Variants in SLC71A2 observed in about 807,000 individuals in gnomAD.
SLC71A2 encodes hippocampus abundant transcript-like 1.
the SLC71A2 span, chr9:94,456,173 T>A: frequency 2.8e-6 from 3 of 1,055,670 alleles, no homozygotes; most frequent in Middle Eastern, 4.1e-4. Flanking sequence ...TGCCACTGAT[T>A]GCATTCCGAA....
the SLC71A2 span, among the ~76,000 whole-genome samples, chr9:94,416,061 G>C: frequency 2.3e-3 from 347 of 152,288 alleles, 2 homozygotes; most frequent in African/African-American, 7.9e-3. Context: ...ATCTTAGCAA[G>C]AACTTGTATG....
the SLC71A2 span, among the ~76,000 whole-genome samples, chr9:94,439,022 G>GTTTTTT: frequency 0.079 from 9,104 of 115,318 alleles, 1,046 homozygotes; most frequent in East Asian, 0.28. Context: ...ATTTGAGTTC[G>GTTTTTT]TTTTTTTTTT....
At chr9:94,455,648 T>C in the SLC71A2 span, among the ~76,000 whole-genome samples, 1 of 152,124 alleles carries the variant, frequency 6.6e-6, no homozygotes, top group Non-Finnish European at 1.5e-5. Flanking sequence ...TCATGTGAGG[T>C]TTTTCTTTTT....
chr9:94,414,015 T>C, the SLC71A2 span, among the ~76,000 whole-genome samples: 1 of 152,104 alleles, frequency 6.6e-6, no homozygotes, highest in African/African-American at 2.4e-5. Flanking sequence ...AATCCATGTT[T>C]TGTCTTCACC....
the SLC71A2 span, chr9:94,456,191 C>G: frequency 1.2e-5 from 16 of 1,297,272 alleles, no homozygotes; most frequent in Admixed American, 2.4e-4. Context: ...GAATAGTGAG[C>G]TCCTTGAGGT....
At chr9:94,447,059 A>C in the SLC71A2 span, 4 of 579,472 alleles carry the variant, frequency 6.9e-6, no homozygotes, top group Non-Finnish European at 9.3e-6. Context: ...CTAGTTACAA[A>C]TGTAGGTGCT....
At chr9:94,452,974 G>C in the SLC71A2 span, among the ~76,000 whole-genome samples, 1 of 151,786 alleles carries the variant, frequency 6.6e-6, no homozygotes, top group East Asian at 1.9e-4. Flanking sequence ...CCTCTCTCAA[G>C]GAGAAATGAG....
At chr9:94,434,650 A>G in the SLC71A2 span, among the ~76,000 whole-genome samples, 1 of 152,146 alleles carries the variant, frequency 6.6e-6, no homozygotes, top group Non-Finnish European at 1.5e-5. Flanking sequence ...TTCAATATCC[A>G]CACAGATTAT....
the SLC71A2 span, chr9:94,459,397 G>A: frequency 3.1e-6 from 5 of 1,613,856 alleles, no homozygotes; most frequent in Non-Finnish European, 4.2e-6. Flanking sequence ...CTGGGAATCA[G>A]TGCACTGAGC....
chr9:94,452,713 T>C, the SLC71A2 span, among the ~76,000 whole-genome samples: 1 of 92,344 alleles, frequency 1.1e-5, no homozygotes, highest in African/African-American at 3.1e-5. Context: ...TCATATATAT[T>C]CATATATATA....
At chr9:94,454,125 G>A in the SLC71A2 span, 1 of 1,265,644 alleles carries the variant, frequency 7.9e-7, no homozygotes, top group Non-Finnish European at 1.2e-6. Context: ...TCTTAGAGGA[G>A]CTTGGGGTGG....
chr9:94,436,556 G>C, the SLC71A2 span, among the ~76,000 whole-genome samples: 5 of 152,144 alleles, frequency 3.3e-5, no homozygotes, highest in Non-Finnish European at 7.3e-5. Context: ...GTACGAGGAA[G>C]CTCTCTTCTT....
At chr9:94,400,801 G>T in the SLC71A2 span, among the ~76,000 whole-genome samples, 2 of 152,122 alleles carry the variant, frequency 1.3e-5, no homozygotes, top group African/African-American at 4.8e-5. Flanking sequence ...GCGTGGTGCC[G>T]TTTACCTATC....
the SLC71A2 span, among the ~76,000 whole-genome samples, chr9:94,455,378 A>ATTGTTTTTTTTTTTTTT: frequency 1.2e-5 from 1 of 85,780 alleles, no homozygotes; most frequent in Non-Finnish European, 2.1e-5. Flanking sequence ...TAATATTCTG[A>ATTGTTTTTTTTTTTTTT]TTTTTTTTTT....
At chr9:94,404,963 A>G in the SLC71A2 span, among the ~76,000 whole-genome samples, 27 of 151,516 alleles carry the variant, frequency 1.8e-4, no homozygotes, top group East Asian at 1.6e-3. Flanking sequence ...TAAGGGTTTC[A>G]TAGGTTTTGC....
At chr9:94,390,703 A>G in the SLC71A2 span, among the ~76,000 whole-genome samples, 1 of 152,198 alleles carries the variant, frequency 6.6e-6, no homozygotes, top group Non-Finnish European at 1.5e-5. Flanking sequence ...GTTTTGAAAT[A>G]TGTAATACTT....
At chr9:94,389,936 C>T in the SLC71A2 span, among the ~76,000 whole-genome samples, 4 of 149,040 alleles carry the variant, frequency 2.7e-5, no homozygotes, top group Non-Finnish European at 1.5e-5. Flanking sequence ...GTGTCTTGGC[C>T]GGGTGCAGGG....
At chr9:94,388,300 A>G in the SLC71A2 span, among the ~76,000 whole-genome samples, 1 of 152,170 alleles carries the variant, frequency 6.6e-6, no homozygotes, top group Non-Finnish European at 1.5e-5. Context: ...CAGTTCTTAA[A>G]TTACCATTCT....
At chr9:94,458,880 A>C in the SLC71A2 span, among the ~76,000 whole-genome samples, 1,191 of 152,310 alleles carry the variant, frequency 7.8e-3, 16 homozygotes, top group African/African-American at 0.027. Context: ...GCATGATCTG[A>C]AGTCATAGGA....
Sources: gnomAD v4.1 joint callset for allele counts (sites outside exome capture counted in the v4.1 genomes callset) on GRCh38, gnomAD v4.1.1 for gene constraint, MANE v1.5 for transcripts, NCBI Gene and HGNC (gene_info 2026-07-23, HGNC 2026-07-21) for gene names.